Variants in PLCH2 observed in about 807,000 individuals in gnomAD.
PLCH2 encodes 1-phosphatidylinositol 4,5-bisphosphate phosphodiesterase eta-2.
PLCH2 carries 98 observed loss-of-function variants against 134.7 expected under a neutral mutation model. The ratio of observed to expected loss-of-function variants is 0.73; its 90% CI spans 0.62 to 0.86. The LOEUF is 0.86. Ranked by LOEUF, PLCH2 falls within the 40% of genes least tolerant of loss-of-function variation. PLCH2 has a pLI of 0.00. For missense variants in PLCH2, 1,994 were observed against 1,986.6 expected, an observed-to-expected ratio of 1.00 and a Z score of -0.07; for synonymous variants, 974 against 827.5, an observed-to-expected ratio of 1.18 and a Z score of -3.04.
In PLCH2 at chr1:2,498,934, C is replaced by G; in HGVS notation, c.2434+106C>G. On this transcript the variant is annotated intron_variant, in intron 18 of 21. Transcript: ENST00000378486. This position sits in a 1 kb window ranked among gnomAD's most constrained non-coding sequence, Gnocchi z 5.4. ...GCCCTGCCCAGGCCTCCCTCAGTGA[C>G]AGTCCTGGGCGCCCTCCCCTCTAGG... 1 of 1,329,598 alleles carries G rather than the reference C, an allele frequency of 7.5e-7. No individual in the cohort carries two copies. The highest frequency in any genetic ancestry group is 1.1e-6 in the Non-Finnish European group (1 of 951,954). The allele number at this position is 1,329,598 out of a possible 1,614,324, so 82.4% of individuals were successfully genotyped here.
In PLCH2 at chr1:2,495,589, G is replaced by A. The variant is rs568103159; in HGVS notation, c.1835+19G>A. On this transcript the variant is annotated intron_variant, in intron 13 of 21. Coordinates refer to ENST00000378486, the MANE Select transcript of PLCH2 (RefSeq NM_014638.4). ...GCCGAGGGTAGGTGCCCTGCCCCAC[G>A]GGGAGGCCCCGCACACTCCTGGGAG... The A allele has an allele frequency of 6.7e-5, 102 of 1,524,802 alleles. 1 individual carries two copies. Among genetic ancestry groups the A allele is most frequent in the South Asian group, 5.6e-4 (46 of 81,826 alleles). The allele number at this position is 1,524,802 out of a possible 1,614,324, so 94.5% of individuals were successfully genotyped here. A position where few individuals can be genotyped will look rare whatever the true frequency, so the allele number is the denominator to read the frequency against.
At chr1:2,416,661 C>T in the PLCH2 span, among the ~76,000 whole-genome samples, 2 of 152,176 alleles carry the variant, frequency 1.3e-5, no homozygotes, top group Non-Finnish European at 2.9e-5. Context: ...GGCCCGGCAG[C>T]CAGAGGCAGG....
In PLCH2 at chr1:2,498,690, G is replaced by C. The variant is rs1442798138; in HGVS notation, c.2349+43G>C. 6.5e-7 allele frequency: 1 copy of C among 1,533,724 alleles called. No homozygotes were observed. Among genetic ancestry groups the C allele is most frequent in the Non-Finnish European group, 8.9e-7 (1 of 1,127,606 alleles). On this transcript the variant is annotated intron_variant, in intron 17 of 21. Coordinates refer to ENST00000378486, the MANE Select transcript of PLCH2 (RefSeq NM_014638.4). The surrounding 1 kb of genome is among the most constrained non-coding windows in gnomAD (Gnocchi z 5.4). ...ACAGGCGGGAGGGGTGGGAGTTGGG[G>C]GCGGGCCGGGCATCGCGATGGGCCC...
At chr1:2,463,642 G>A (rs1387005868), upstream of PLCH2, among the ~76,000 whole-genome samples, 1 of 151,412 alleles carries the variant, frequency 6.6e-6, no homozygotes, top group Non-Finnish European at 1.5e-5. Context: ...CCGGAGACTG[G>A]TCAGAGCCCG....
At chr1:2,501,983 T>C (rs2100740558) in intron 20 of PLCH2, 129 bp from the exon 21 acceptor site, 4 of 813,772 alleles carry the variant, frequency 4.9e-6, no homozygotes, top group South Asian at 4.0e-5. Flanking sequence ...CAGCCTGAGG[T>C]GGCCCAGCCC....
chr1:2,436,258 CCCTCCTCCTCCTTTCCT>C (rs1639351766), intron 2 of PLCH2, among the ~76,000 whole-genome samples: 1 of 105,066 alleles, frequency 9.5e-6, no homozygotes, highest in Non-Finnish European at 2.0e-5. Flanking sequence ...CTCCCCTCCT[CCCTCCTCCTCCTTTCCT>C]CCTTCCTCCC....
chr1:2,497,485 T>C lies in PLCH2; in HGVS notation c.2117-17T>C. The C allele has an allele frequency of 6.5e-7, 1 of 1,536,772 alleles. No homozygotes were observed. On this transcript the variant is annotated splice_polypyrimidine_tract_variant and intron_variant, in intron 15 of 21. Coordinates refer to ENST00000378486, the MANE Select transcript of PLCH2 (RefSeq NM_014638.4). ...AGGTCAGGTGCTGACCAGGGCAGCC[T>C]TGTGTCACCCTCGCAGTTGCCCTGA... is the stretch of plus-strand genomic sequence containing the variant.
Position 2,502,152 on chromosome 1 carries a change from G to T in PLCH2, c.2702G>T (p.Gly901Val). The change falls in exon 21 of 22, where the codon GGC (glycine) becomes GTC (valine). Residue 901 changes from glycine to valine, a missense_variant. Physicochemically the swap from Gly to Val is moderately radical, Grantham distance 109. Around this residue, in one of 2 missense-constraint regions of PLCH2, gnomAD observed 900 missense variants for 752.3 expected, o/e 1.20. Transcript: ENST00000378486. ...GGCCTAAAAGGCCTCTTCCTCCGAG[G>T]CCCAAAGCCCGGCTCGCTGGACAGT... ...ALGLKGLFLR[G>V]PKPGSLDSHA... 6.7e-7 allele frequency: 1 copy of T among 1,488,806 alleles called. No homozygotes were observed. The allele number at this position is 1,488,806 out of a possible 1,614,324, so 92.2% of individuals were successfully genotyped here. A position where few individuals can be genotyped will look rare whatever the true frequency, so the allele number is the denominator to read the frequency against.
chr1:2,484,362 C>T (rs1290022505), intron 4 of PLCH2, 86 bp from the exon 5 acceptor site: 2 of 1,351,934 alleles, frequency 1.5e-6, no homozygotes, highest in African/African-American at 1.4e-5. Context: ...TTGGTCTTGA[C>T]TGGGGAGTGG....
At chr1:2,473,409 C>G (rs1641438796), upstream of PLCH2, among the ~76,000 whole-genome samples, 1 of 152,238 alleles carries the variant, frequency 6.6e-6, no homozygotes, top group East Asian at 1.9e-4. Flanking sequence ...CCCATGCACT[C>G]TCCCCAACTG....
intron 5 of PLCH2, among the ~76,000 whole-genome samples, chr1:2,486,043 A>ATGCCCTG (rs1422923822): frequency 6.6e-6 from 1 of 152,088 alleles, no homozygotes; most frequent in African/African-American, 2.4e-5. Context: ...ACTGTCTCGG[A>ATGCCCTG]TGCCCTGTGC....
intron 1 of PLCH2, among the ~76,000 whole-genome samples, chr1:2,429,199 G>A (rs532830510): frequency 2.0e-5 from 3 of 152,288 alleles, no homozygotes; most frequent in Admixed American, 6.5e-5. Flanking sequence ...TAGGGCCCTG[G>A]GGAGAGAGAC....
rs146269583 is a variant in PLCH2, at chr1:2,454,798, T to G, written c.116-23678T>G. Reference sequence around the variant, plus strand: ...CAGGGCTGTTGGGGCAGGGCCTGTCTCCGAAGGTCTGTGCACTATGTCCTT... The same window carrying G: ...CAGGGCTGTTGGGGCAGGGCCTGTCGCCGAAGGTCTGTGCACTATGTCCTT... On this transcript the variant is annotated intron_variant, in intron 2 of 3. Transcript: ENST00000609981. Among the ~76,000 whole-genome samples, 189 of 152,252 alleles carry G rather than the reference T, an allele frequency of 1.2e-3. 2 individuals are homozygous for G. In the East Asian group the frequency reaches 0.03, roughly 24 times the overall value.
chr1:2,502,293 T>C lies in PLCH2; in HGVS notation c.2843T>C (p.Val948Ala). 1 of 1,537,964 alleles carries C rather than the reference T, an allele frequency of 6.5e-7. No individual in the cohort carries two copies. Among genetic ancestry groups the C allele is most frequent in the African/African-American group, 1.4e-5 (1 of 72,408 alleles). Residue 948 changes from valine to alanine, a missense_variant, in exon 21 of 22, where the codon GTC (valine) becomes GCC (alanine). This residue lies in a region of PLCH2 where 900 missense variants were observed against 752.3 expected (regional missense o/e 1.20). Coordinates refer to ENST00000378486, the MANE Select transcript of PLCH2 (RefSeq NM_014638.4). ...KPGRRGFPELVLGTRDTGSKG... is the reference protein window; with the variant it reads ...KPGRRGFPELALGTRDTGSKG... ...GGCCGCAGGGGCTTCCCGGAGCTGG[T>C]CCTGGGTACACGGGACACAGGCTCC...
At chr1:2,495,002 C>A in intron 12 of PLCH2, 54 bp downstream of exon 12, 3 of 1,201,700 alleles carry the variant, frequency 2.5e-6, no homozygotes, top group Non-Finnish European at 2.3e-6. Context: ...GTCCTCCCTG[C>A]TCCCAGTGCC....
At chr1:2,485,691 T>G (rs1336159323) in intron 5 of PLCH2, among the ~76,000 whole-genome samples, 1 of 151,802 alleles carries the variant, frequency 6.6e-6, no homozygotes, top group Non-Finnish European at 1.5e-5. Flanking sequence ...CTGGGGGTGC[T>G]GCTTAGGGAC....
chr1:2,470,059 G>C lies in PLCH2; in HGVS notation c.43+2397G>C, dbSNP rs549593448. On this transcript the variant is annotated intron_variant, in intron 1 of 21. Transcript: ENST00000449969. ...TCAGCAGGCAGGTCCCAGGCACCAT[G>C]ATGCAGCCCTGACTTGGGGACGGTG... Among the ~76,000 whole-genome samples, 87 of 152,350 alleles carry C rather than the reference G, an allele frequency of 5.7e-4. 1 individual carries two copies. Among genetic ancestry groups the C allele is most frequent in the African/African-American group, 2.0e-3 (83 of 41,588 alleles).
intron 2 of PLCH2, among the ~76,000 whole-genome samples, chr1:2,450,332 C>T (rs1570296298): frequency 2.0e-5 from 3 of 151,970 alleles, no homozygotes; most frequent in South Asian, 2.1e-4. Flanking sequence ...CTGGGTGCCT[C>T]GTTAGCTCAC....
upstream of PLCH2, among the ~76,000 whole-genome samples, chr1:2,423,789 G>T (rs907432373): frequency 3.3e-5 from 5 of 152,180 alleles, no homozygotes; most frequent in Non-Finnish European, 7.3e-5. Flanking sequence ...CTCTATGGTA[G>T]TTAGGGGAAC....
Sources: gnomAD v4.1 joint callset for allele counts (sites outside exome capture counted in the v4.1 genomes callset) on GRCh38, gnomAD v4.1.1 for gene constraint, gnomAD v4.1.1 regional missense constraint, Gnocchi (gnomAD v3.1) non-coding constraint, MANE v1.5 for transcripts, NCBI Gene and HGNC (gene_info 2026-07-23, HGNC 2026-07-21) for gene names.